The following TECTA variants were observed in gnomAD, a reference collection of about 807,000 sequenced individuals.
The protein encoded by TECTA is alpha-tectorin.
A neutral mutation model predicts 216.8 loss-of-function variants in TECTA; 128 were observed. That is an observed-to-expected ratio of 0.59 (90% CI 0.51 to 0.68). The LOEUF (loss-of-function observed/expected upper bound fraction) is 0.68. TECTA is among the 30% of genes least tolerant of loss of function. The pLI is 0.00. For synonymous variants in TECTA, 1,089 were observed against 1,117.1 expected (o/e 0.97, Z 0.50); for missense variants, 2,551 against 2,786.2 (o/e 0.92, Z 1.90).
chr11:121,158,037 C>T lies in TECTA; in HGVS notation c.4502C>T (p.Ala1501Val). ...GGCGTCTTCCGCACCTTCGACGGCG[C>T]CTTCCTGCGCTTCCCAGCCAACTGC... is the stretch of plus-strand genomic sequence containing the variant. ...GGGVFRTFDG[A>V]FLRFPANCAF... The change falls in exon 14 of 24, where the codon GCC becomes GTC. Residue 1501 changes from alanine (A) to valine (V), a missense_variant. This residue lies in a region of TECTA where 2,375 missense variants were observed against 2,563.9 expected (regional missense o/e 0.93). Coordinates refer to ENST00000392793, the MANE Select transcript of TECTA (RefSeq NM_005422.4). The T allele has an allele frequency of 6.2e-7, 1 of 1,613,296 alleles. No individual in the cohort carries two copies. Among genetic ancestry groups the T allele is most frequent in the South Asian group, 1.1e-5 (1 of 91,086 alleles).
chr11:121,140,052 G>A (rs1417808997), intron 11 of TECTA, among the ~76,000 whole-genome samples: 1 of 152,094 alleles, frequency 6.6e-6, no homozygotes, highest in African/African-American at 2.4e-5. Flanking sequence ...TTGACATTCG[G>A]TGCTCTTTGG....
At chr11:121,106,503 G>C (rs1174669562) in intron 3 of TECTA, among the ~76,000 whole-genome samples, 1 of 152,138 alleles carries the variant, frequency 6.6e-6, no homozygotes, top group Admixed American at 6.5e-5. Flanking sequence ...ACTAAGAAAT[G>C]GTCCCATTTG....
rs1360051540 is a variant in TECTA at position 121,158,038 on chromosome 11, C to T, written c.4503C>T (p.Ala1501=). ...GGGVFRTFDG[A]FLRFPANCAF... is the part of the protein sequence containing the mutation. ...GCGTCTTCCGCACCTTCGACGGCGC[C>T]TTCCTGCGCTTCCCAGCCAACTGCG... The change falls in exon 14 of 24, where the codon GCC becomes GCT. Residue 1501 remains alanine (A), a synonymous_variant. Coordinates refer to ENST00000392793, the MANE Select transcript of TECTA (RefSeq NM_005422.4). The T allele has an allele frequency of 1.2e-6, 2 of 1,613,178 alleles. No individual in the cohort carries two copies. The highest frequency in any genetic ancestry group is 1.7e-6 in the Non-Finnish European group (2 of 1,179,962).
rs756272161 is a variant in TECTA, at chr11:121,153,003, G to A, written c.4228G>A (p.Ala1410Thr). The A allele has an allele frequency of 6.2e-7, 1 of 1,614,170 alleles. No individual in the cohort carries two copies. The highest frequency in any genetic ancestry group is 8.5e-7 in the Non-Finnish European group (1 of 1,180,032). Reference sequence around the variant, plus strand: ...CTGCGTGGAGGGCTGTCACTGCGACGCTGGCTACGTCCTCAACGGCAAGAG... The same window carrying A: ...CTGCGTGGAGGGCTGTCACTGCGACACTGGCTACGTCCTCAACGGCAAGAG... Reference protein sequence around the residue: ...HYCVEGCHCDAGYVLNGKSCI... With the variant: ...HYCVEGCHCDTGYVLNGKSCI... Residue 1410 changes from alanine (A) to threonine (T), a missense_variant, in exon 13 of 24, where the codon GCT becomes ACT. Physicochemically the swap from Ala to Thr is moderately conservative, Grantham distance 58. Transcript: ENST00000392793.
intron 16 of TECTA, 45 bp from the exon 17 acceptor site, chr11:121,165,228 T>C: frequency 6.5e-7 from 1 of 1,533,626 alleles, no homozygotes; most frequent in Non-Finnish European, 8.9e-7. Context: ...CGCATGTAGG[T>C]GTGAAAATGA....
In TECTA at chr11:121,162,146, A is replaced by G; in HGVS notation, c.5048A>G (p.Gln1683Arg). The G allele has an allele frequency of 1.2e-6, 2 of 1,614,214 alleles. No homozygotes were observed. Among genetic ancestry groups the G allele is most frequent in the Non-Finnish European group, 1.7e-6 (2 of 1,180,038 alleles). ...GCCATGTGTGACAATGTGCACATCC[A>G]GAAGATGCAGGGTGATGGCTACTGC... ...YAAMCDNVHI[Q>R]KMQGDGYCLK... is the part of the protein sequence containing the mutation. Residue 1683 changes from glutamine to arginine, a missense_variant, in exon 16 of 24, where the codon CAG becomes CGG. Transcript: ENST00000392793.
Position 121,189,842 on chromosome 11 carries a change from T to A in TECTA, c.6329T>A (p.Val2110Glu), listed in dbSNP as rs1381701490. 5 of 1,613,574 alleles carry A rather than the reference T, an allele frequency of 3.1e-6. No homozygotes were observed. The African/African-American group carries it at 6.7e-5, about 22-fold the overall frequency. The change falls in exon 23 of 24, where the codon GTA becomes GAA. Residue 2110 changes from valine (V) to glutamate (E), a missense_variant. By Grantham distance (121) the Val-to-Glu change is moderately radical. Transcript: ENST00000392793. Reference sequence around the variant, plus strand: ...GTGGATGGGCCTCTCTGCAGCTGTGTAACAGGAACCCTGCAGGAGGACGGC... The same window carrying A: ...GTGGATGGGCCTCTCTGCAGCTGTGAAACAGGAACCCTGCAGGAGGACGGC... ...SRVDGPLCSC[V>E]TGTLQEDGKS...
At position 121,118,175 on chromosome 11, in the gene TECTA, G is replaced by T. The variant is rs1946518068; in HGVS notation, c.791-131G>T. ...TCAGTTTCCTCATTTGTCAAATGAG[G>T]GTGACCATACCTCCCTAACAGGGTT... is the stretch of plus-strand genomic sequence containing the variant. On this transcript the variant is annotated intron_variant, in intron 6 of 23. Transcript: ENST00000392793. 1.4e-5 allele frequency: 17 copies of T among 1,179,354 alleles called. No individual in the cohort carries two copies. The South Asian group carries it at 2.1e-4, about 15-fold the overall frequency. 73.1% of individuals were successfully genotyped at this position (1,179,354 alleles called of 1,614,324 possible).
At position 121,157,991 on chromosome 11, in the gene TECTA, T is replaced by C; in HGVS notation, c.4456T>C (p.Tyr1486His). 1 of 1,613,336 alleles carries C rather than the reference T, an allele frequency of 6.2e-7. No homozygotes were observed. The highest frequency in any genetic ancestry group is 8.5e-7 in the Non-Finnish European group (1 of 1,179,950). The stretch of plus-strand genomic sequence containing the variant: ...CGGCTGCTTCAGCACCAAGACCTCC[T>C]ACTGCCTGGCGGCCGGCGGCGGCGT... The part of the protein sequence containing the change: ...VRGCFSTKTS[Y>H]CLAAGGGVFR... The change falls in exon 14 of 24, where the codon TAC becomes CAC. Residue 1486 changes from tyrosine (Y) to histidine (H), a missense_variant. This residue lies in a region of TECTA where 2,375 missense variants were observed against 2,563.9 expected (regional missense o/e 0.93). Transcript: ENST00000392793.
At chr11:121,139,127 C>G (rs1287526019) in intron 11 of TECTA, among the ~76,000 whole-genome samples, 2 of 152,134 alleles carry the variant, frequency 1.3e-5, no homozygotes, top group Admixed American at 6.5e-5. Flanking sequence ...TTTTATCATC[C>G]AAGGAAGCAA....
chr11:121,158,358 A>G, intron 14 of TECTA, 134 bp downstream of exon 14: 1 of 1,254,842 alleles, frequency 8.0e-7, no homozygotes, highest in Non-Finnish European at 1.1e-6. Context: ...CACAGTGACC[A>G]GGTTTTAAAG....
chr11:121,141,007 A>G (rs939380093), intron 11 of TECTA: 18 of 152,132 alleles, frequency 1.2e-4, no homozygotes, highest in African/African-American at 4.1e-4. Context: ...TCAAGGAGAA[A>G]TGGATTAAAG....
In TECTA at chr11:121,158,068, C is replaced by G. The variant is rs77628498; in HGVS notation, c.4533C>G (p.Phe1511Leu). The change falls in exon 14 of 24, where the codon TTC becomes TTG. Residue 1511 changes from phenylalanine to leucine, a missense_variant. Physicochemically the swap from Phe to Leu is conservative, Grantham distance 22. Transcript: ENST00000392793. Reference protein sequence around the residue: ...AFLRFPANCAFVLSTICQKLP... With the variant: ...AFLRFPANCALVLSTICQKLP... ...TGCGCTTCCCAGCCAACTGCGCCTT[C>G]GTGCTGTCCACCATCTGCCAGAAAC... The G allele has an allele frequency of 1.2e-6, 2 of 1,613,884 alleles. No homozygotes were observed. The highest frequency in any genetic ancestry group is 1.7e-6 in the Non-Finnish European group (2 of 1,179,998).
Position 121,125,621 on chromosome 11 carries a change from C to A in TECTA, c.1523C>A (p.Thr508Asn). ...GACTCCGGCTGCGTCGACAACTGCA[C>A]CCAGTGCGACGCTGCCACTGAAGCC... Reference protein sequence around the residue: ...KCDSGCVDNCTQCDAATEALY... With the variant: ...KCDSGCVDNCNQCDAATEALY... The change falls in exon 8 of 24, where the codon ACC becomes AAC. Residue 508 changes from threonine (T) to asparagine (N), a missense_variant. Coordinates refer to ENST00000392793, the MANE Select transcript of TECTA (RefSeq NM_005422.4). The A allele has an allele frequency of 1.2e-6, 2 of 1,613,302 alleles. No homozygotes were observed. Among genetic ancestry groups the A allele is most frequent in the Admixed American group, 3.3e-5 (2 of 59,982 alleles).
At chr11:121,133,303 T>C (rs1482680403) in intron 10 of TECTA, among the ~76,000 whole-genome samples, 1 of 152,184 alleles carries the variant, frequency 6.6e-6, no homozygotes, top group African/African-American at 2.4e-5. Context: ...CCCGTAAAAC[T>C]TCAGTATGTA....
chr11:121,165,216 A>T, intron 16 of TECTA, 57 bp from the exon 17 acceptor site: 1 of 1,506,762 alleles, frequency 6.6e-7, no homozygotes, highest in East Asian at 2.4e-5. Flanking sequence ...ACCAAAAGCT[A>T]CCGCATGTAG....
chr11:121,101,452 A>AT lies in TECTA; in HGVS notation c.-2+15dup, dbSNP rs1292809245. The stretch of plus-strand genomic sequence containing the variant: ...AGCCTCTACAGAACAGGTTAGTGAC[A>AT]TTTTTCATAAATACAAATATCTAAA... On this transcript the variant is annotated intron_variant, in intron 1 of 23. Transcript: ENST00000392793. The AT allele has an allele frequency of 1.3e-5, 2 of 152,136 alleles. No homozygotes were observed. Among genetic ancestry groups the AT allele is most frequent in the Non-Finnish European group, 2.9e-5 (2 of 68,018 alleles). The allele number at this position is 152,136 out of a possible 1,614,324, so 9.4% of individuals were successfully genotyped here.
intron 3 of TECTA, among the ~76,000 whole-genome samples, chr11:121,106,589 G>A (rs1946392292): frequency 6.6e-6 from 1 of 152,132 alleles, no homozygotes; most frequent in Admixed American, 6.5e-5. Flanking sequence ...TTTGCTGCTA[G>A]CGAAACTGTG....
chr11:121,130,288 C>T, intron 10 of TECTA, 77 bp downstream of exon 10: 8 of 1,522,076 alleles, frequency 5.3e-6, no homozygotes, highest in South Asian at 3.6e-5. Context: ...TCAGGACTTC[C>T]CTTCCAGGTG....
Sources: gnomAD v4.1 joint callset for allele counts (sites outside exome capture counted in the v4.1 genomes callset) on GRCh38, gnomAD v4.1.1 for gene constraint, gnomAD v4.1.1 regional missense constraint, MANE v1.5 for transcripts, NCBI Gene and HGNC (gene_info 2026-07-23, HGNC 2026-07-21) for gene names.